PDE11A: variants seen among roughly 807,000 people sequenced by gnomAD.
PDE11A encodes dual 3',5'-cyclic-AMP and -GMP phosphodiesterase 11A.
PDE11A carries 100 observed loss-of-function variants against 100.5 expected under a neutral mutation model. That is an observed-to-expected ratio of 1.00 (90% CI 0.85 to 1.18). The LOEUF (loss-of-function observed/expected upper bound fraction) is 1.18. Among genes scored for constraint, PDE11A ranks in the 50% most tolerant of loss-of-function variants. The pLI, the probability that PDE11A is intolerant of heterozygous loss-of-function variation, is 0.00. For missense variants in PDE11A, 1,141 were observed against 1,152.6 expected (o/e 0.99, Z 0.15); for synonymous variants, 381 against 420.8 (o/e 0.91, Z 1.16).
intron 2 of PDE11A, among the ~76,000 whole-genome samples, chr2:177,961,114 G>C (rs1275218919): frequency 6.6e-6 from 1 of 152,086 alleles, no homozygotes; most frequent in South Asian, 2.1e-4. Flanking sequence ...AAGAGTCCAG[G>C]TTTCTCAGCC....
chr2:177,676,675 C>T (rs1341210026), intron 16 of PDE11A, among the ~76,000 whole-genome samples: 3 of 152,188 alleles, frequency 2.0e-5, no homozygotes, highest in Non-Finnish European at 4.4e-5. Context: ...TCCAAACATC[C>T]CTGTGTTAAG....
At chr2:177,706,744 A>T (rs1390640842) in intron 13 of PDE11A, among the ~76,000 whole-genome samples, 4 of 152,180 alleles carry the variant, frequency 2.6e-5, no homozygotes, top group African/African-American at 9.7e-5. Flanking sequence ...AACGCATCAC[A>T]CTACCTTGGA....
At position 177,640,666 on chromosome 2, in the gene PDE11A, A is replaced by G. The variant is rs140823933; in HGVS notation, c.2647-11104T>C. 3.3e-5 allele frequency among the ~76,000 whole-genome samples: 5 copies of G among 152,354 alleles called. No homozygotes were observed. The East Asian group carries it at 9.6e-4, about 29-fold the overall frequency. On this transcript the variant is annotated intron_variant, in intron 19 of 19. Transcript: ENST00000286063. ...TTAATCTGAGATACTCCCAGATTTT[A>G]CATGCCACACCTCAGTGCTGCAGTT... is the stretch of plus-strand genomic sequence containing the variant.
At chr2:177,941,505 A>G (rs1185111928) in intron 2 of PDE11A, among the ~76,000 whole-genome samples, 2 of 152,136 alleles carry the variant, frequency 1.3e-5, no homozygotes, top group African/African-American at 4.8e-5. Context: ...CTGAATCACT[A>G]TTATTGCCCC....
At chr2:177,895,254 T>A (rs2084591507) in intron 4 of PDE11A, among the ~76,000 whole-genome samples, 1 of 152,092 alleles carries the variant, frequency 6.6e-6, no homozygotes, top group African/African-American at 2.4e-5. Flanking sequence ...ATTATCCATT[T>A]AAAAAATGCT....
chr2:177,653,654 G>A (rs892321249), intron 19 of PDE11A, among the ~76,000 whole-genome samples: 6 of 152,160 alleles, frequency 3.9e-5, no homozygotes, highest in African/African-American at 1.4e-4. Context: ...TTATGTGAAG[G>A]CAGAGGCAGA....
At chr2:177,971,515 C>T (rs113684968) in intron 2 of PDE11A, among the ~76,000 whole-genome samples, 7,983 of 152,212 alleles carry the variant, frequency 0.052, 257 homozygotes, top group Middle Eastern at 0.12. Flanking sequence ...ATCCTGCTAC[C>T]TTAGCTGACT....
chr2:177,742,495 G>A (rs1314641230), intron 10 of PDE11A, among the ~76,000 whole-genome samples: 1 of 152,042 alleles, frequency 6.6e-6, no homozygotes, highest in Non-Finnish European at 1.5e-5. Flanking sequence ...GCTCTCCATC[G>A]AAGTTGCTGT....
At chr2:177,631,559 A>ATATATATATACATG (rs2079940474) in intron 19 of PDE11A, among the ~76,000 whole-genome samples, 1 of 38,264 alleles carries the variant, frequency 2.6e-5, no homozygotes, top group African/African-American at 9.6e-5. Context: ...ACATGTATAT[A>ATATATATATACATG]TATATATATA....
chr2:177,629,031 C>A lies in PDE11A; in HGVS notation c.*376G>T. The A allele has an allele frequency of 3.6e-6, 1 of 277,706 alleles. No individual in the cohort carries two copies. The highest frequency in any genetic ancestry group is 7.0e-6 in the Non-Finnish European group (1 of 142,444). 17.2% of individuals were successfully genotyped at this position (277,706 alleles called of 1,614,324 possible). ...TTTGGCTTGTAACAAACAGAAAAGCCCTATACAAAACGAAGCAGCGCTAAT... is the reference window on the plus strand; with the variant it reads ...TTTGGCTTGTAACAAACAGAAAAGCACTATACAAAACGAAGCAGCGCTAAT... On this transcript the variant is annotated 3_prime_UTR_variant, in exon 20 of 20. Transcript: ENST00000286063.
intron 2 of PDE11A, among the ~76,000 whole-genome samples, chr2:178,005,782 A>G (rs2086202452): frequency 6.6e-6 from 1 of 152,246 alleles, no homozygotes; most frequent in Non-Finnish European, 1.5e-5. Context: ...CAGATTCAGC[A>G]CTGTAACAGT....
chr2:177,867,303 T>C (rs1180318224), intron 5 of PDE11A, among the ~76,000 whole-genome samples: 1 of 152,240 alleles, frequency 6.6e-6, no homozygotes, highest in East Asian at 1.9e-4. Flanking sequence ...TGAGTGATAA[T>C]GTCCAAGTGG....
In PDE11A at chr2:177,886,957, CAGG is replaced by C; in HGVS notation, c.1303-11037_1303-11035del. Among the ~76,000 whole-genome samples, 2 of 152,164 alleles carry C rather than the reference CAGG, an allele frequency of 1.3e-5. 1 individual carries two copies. Among genetic ancestry groups the C allele is most frequent in the South Asian group, 4.1e-4 (2 of 4,836 alleles). On this transcript the variant is annotated intron_variant, in intron 4 of 19. Transcript: ENST00000286063. ...GCCTGCTGAACTCCAAGTCCAGAAA[CAGG>C]CTGGCAGTGATGGTCGGAATTTCAG...
intron 12 of PDE11A, among the ~76,000 whole-genome samples, chr2:177,722,028 G>A (rs569668416): frequency 1.3e-5 from 2 of 152,272 alleles, no homozygotes; most frequent in South Asian, 4.1e-4. Flanking sequence ...CCATGGCTCT[G>A]CTGCTGGGTC....
chr2:177,831,211 A>G (rs1429236880), intron 6 of PDE11A, among the ~76,000 whole-genome samples: 2 of 152,220 alleles, frequency 1.3e-5, no homozygotes, highest in African/African-American at 2.4e-5. Flanking sequence ...AACAACTATG[A>G]TTACTTGCCC....
intron 1 of PDE11A, among the ~76,000 whole-genome samples, chr2:178,052,227 C>T (rs1167891907): frequency 6.6e-6 from 1 of 152,216 alleles, no homozygotes; most frequent in Non-Finnish European, 1.5e-5. Flanking sequence ...AACTGCTCAA[C>T]TACATGGAAA....
chr2:177,820,150 T>TG, intron 7 of PDE11A, 70 bp downstream of exon 7: 1 of 800,826 alleles, frequency 1.2e-6, no homozygotes, highest in African/African-American at 2.1e-5. Context: ...ATAAAAAAGA[T>TG]ATGGGAATAT....
At chr2:178,090,652 G>C (rs974185221) in intron 2 of PDE11A, among the ~76,000 whole-genome samples, 4 of 152,180 alleles carry the variant, frequency 2.6e-5, no homozygotes, top group African/African-American at 9.7e-5. Context: ...TGGAGTTCAA[G>C]TGCTTTCTCA....
intron 9 of PDE11A, among the ~76,000 whole-genome samples, chr2:177,799,690 C>T (rs1284814739): frequency 6.6e-6 from 1 of 152,082 alleles, no homozygotes; most frequent in South Asian, 2.1e-4. Context: ...ATGAAGCAGT[C>T]CCCCTTGGTC....
Sources: allele counts gnomAD v4.1 joint callset (sites outside exome capture counted in the v4.1 genomes callset), GRCh38; gene constraint gnomAD v4.1.1; transcripts MANE v1.5; gene names NCBI Gene and HGNC (gene_info 2026-07-23, HGNC 2026-07-21).